INSR: variants seen among roughly 807,000 people sequenced by gnomAD.
The protein encoded by INSR is IR.
In INSR, 67 loss-of-function variants were observed where a neutral mutation model predicts 142.6. The ratio of observed to expected loss-of-function variants is 0.47; its 90% confidence interval spans 0.39 to 0.58. INSR has a LOEUF of 0.58. INSR is among the 20% of genes least tolerant of loss of function. The pLI, the probability that INSR is intolerant of heterozygous loss-of-function variation, is 0.00. For missense variants in INSR, 1,248 were observed against 1,833.2 expected, an observed-to-expected ratio of 0.68 and a Z score of 5.83; for synonymous variants, 756 against 743.1, an observed-to-expected ratio of 1.02 and a Z score of -0.28.
At chr19:7,143,207 G>C in intron 11 of INSR, 117 bp from the exon 12 acceptor site, 1 of 1,125,668 alleles carries the variant, frequency 8.9e-7, no homozygotes, top group Non-Finnish European at 1.3e-6. Context: ...GGAGGGTGCA[G>C]CAATGGGGAA....
chr19:7,204,619 A>T (rs559051288), intron 2 of INSR, among the ~76,000 whole-genome samples: 1 of 152,336 alleles, frequency 6.6e-6, no homozygotes, highest in African/African-American at 2.4e-5. Flanking sequence ...CCCACCTTGC[A>T]GCTGCTCTTT....
chr19:7,209,104 G>A (rs1197667374), intron 2 of INSR, among the ~76,000 whole-genome samples: 1 of 152,132 alleles, frequency 6.6e-6, no homozygotes, highest in Non-Finnish European at 1.5e-5. Flanking sequence ...AGGTTGCAGT[G>A]AGCCAAGATT....
At chr19:7,285,966 T>C (rs1226513268) in intron 1 of INSR, among the ~76,000 whole-genome samples, 6 of 152,160 alleles carry the variant, frequency 3.9e-5, no homozygotes, top group Admixed American at 1.3e-4. Flanking sequence ...TTTTACTGTA[T>C]GATAATGTTT....
At chr19:7,240,453 A>G (rs12609789) in intron 2 of INSR, among the ~76,000 whole-genome samples, 35,967 of 152,028 alleles carry the variant, frequency 0.24, 4,743 homozygotes, top group East Asian at 0.6. Context: ...GTGGTGGTGC[A>G]CACCTGTAAT....
At chr19:7,176,601 A>AAAAC (rs908684121) in intron 3 of INSR, among the ~76,000 whole-genome samples, 5 of 152,140 alleles carry the variant, frequency 3.3e-5, no homozygotes, top group Admixed American at 6.6e-5. Flanking sequence ...AATCTGTCTC[A>AAAAC]AAACAAACAA....
Position 7,122,897 on chromosome 19 carries a change from A to G in INSR, c.3351T>C (p.Ser1117=), listed in dbSNP as rs1312324026. The G allele has an allele frequency of 6.2e-7, 1 of 1,608,726 alleles. No individual in the cohort carries two copies. Among genetic ancestry groups the G allele is most frequent in the Admixed American group, 1.7e-5 (1 of 59,334 alleles). ...AHGDLKSYLR[S]LRPEAENNPG... ...AGCTTACCTCAGCCTCTGGCCGCAG[A>G]GAACGGAGGTAGCTCTTCAGGTCTC... The change falls in exon 18 of 22, where the codon TCT becomes TCC. Residue 1117 remains serine (S), a synonymous_variant. Coordinates refer to ENST00000302850, the MANE Select transcript of INSR (RefSeq NM_000208.4).
intron 1 of INSR, among the ~76,000 whole-genome samples, chr19:7,282,353 C>T (rs1243586324): frequency 4.2e-5 from 6 of 143,580 alleles, no homozygotes; most frequent in South Asian, 2.2e-4. Flanking sequence ...CAACAGAGTG[C>T]GACTCCATCT....
Position 7,205,367 on chromosome 19 carries a change from A to T in INSR, c.653-20730T>A, listed in dbSNP as rs1046711738. ...GTTAATTTCCTCAGAAGGTTATTCT[A>T]TAAAAGCCAAAGTGTTACTTTCTTG... On this transcript the variant is annotated intron_variant, in intron 2 of 21. Transcript: ENST00000302850. Among the ~76,000 whole-genome samples the T allele has an allele frequency of 6.6e-5, 10 of 152,348 alleles. No individual in the cohort carries two copies. The East Asian group carries it at 1.9e-3, about 29-fold the overall frequency.
At chr19:7,210,545 C>T (rs575754615) in intron 2 of INSR, among the ~76,000 whole-genome samples, 1 of 152,124 alleles carries the variant, frequency 6.6e-6, no homozygotes, top group South Asian at 2.1e-4. Context: ...GGAGGGGAAC[C>T]TAGTGTGCCT....
chr19:7,197,658 G>C (rs1366530573), intron 2 of INSR, among the ~76,000 whole-genome samples: 1 of 147,660 alleles, frequency 6.8e-6, no homozygotes, highest in Admixed American at 6.7e-5. Flanking sequence ...GAGTGTGTGT[G>C]TGTGTTTGGC....
At chr19:7,144,507 G>A (rs1365485304) in intron 11 of INSR, among the ~76,000 whole-genome samples, 1 of 152,118 alleles carries the variant, frequency 6.6e-6, no homozygotes, top group East Asian at 1.9e-4. Context: ...GAGTTCATGC[G>A]ATTCTCCTGC....
chr19:7,192,166 GAA>G lies in INSR; in HGVS notation c.653-7531_653-7530del, dbSNP rs1974614638. Among the ~76,000 whole-genome samples, 1 of 106,898 alleles carries G rather than the reference GAA, an allele frequency of 9.4e-6. No individual in the cohort carries two copies. Among genetic ancestry groups the G allele is most frequent in the East Asian group, 2.4e-4 (1 of 4,208 alleles). The allele number at this position is 106,898 out of a possible 152,430, so 70.1% of individuals were successfully genotyped here. On this transcript the variant is annotated intron_variant, in intron 2 of 21. Transcript: ENST00000302850. The surrounding 1 kb of genome is among the most constrained non-coding windows in gnomAD (Gnocchi z 4.2). ...AGAGAGAGAGAAAGAGAAAGAAAAA[GAA>G]AGACAGAGAAAGAAAAGAAAAAAGA...
At position 7,197,040 on chromosome 19, in the gene INSR, T is replaced by C. The variant is rs1160393390; in HGVS notation, c.653-12403A>G. Reference sequence around the variant, plus strand: ...CCAAATTCCTCTAGTTGGAATCTAGTAAATGATTTAATGGCAAAGGGGCAG... The same window carrying C: ...CCAAATTCCTCTAGTTGGAATCTAGCAAATGATTTAATGGCAAAGGGGCAG... On this transcript the variant is annotated intron_variant, in intron 2 of 21. Transcript: ENST00000302850. Among the ~76,000 whole-genome samples the C allele has an allele frequency of 2.0e-5, 3 of 152,192 alleles. No individual in the cohort carries two copies. The East Asian group carries it at 5.8e-4, about 29-fold the overall frequency.
In INSR at chr19:7,117,003, C is replaced by G. The variant is rs1406415360; in HGVS notation, c.*53G>C. On this transcript the variant is annotated 3_prime_UTR_variant, in exon 22 of 22. Transcript: ENST00000302850. ...CTGAGTTTTCCAGAGGCTTTCAAAC[C>G]AGAGGAAAGCGAAAATGGGAACCCC... is the stretch of plus-strand genomic sequence containing the variant. 57 of 1,394,560 alleles carry G rather than the reference C, an allele frequency of 4.1e-5. No individual in the cohort carries two copies. The highest frequency in any genetic ancestry group is 1.8e-4 in the Middle Eastern group (1 of 5,692). 86.4% of individuals were successfully genotyped at this position (1,394,560 alleles called of 1,614,324 possible).
intron 2 of INSR, among the ~76,000 whole-genome samples, chr19:7,229,760 C>CTTTTTTTT: frequency 1.1e-5 from 1 of 87,500 alleles, no homozygotes; most frequent in Non-Finnish European, 2.2e-5. Flanking sequence ...CATTTACAGT[C>CTTTTTTTT]TTTTTTTTTT....
rs1972434607 is a variant in INSR, at chr19:7,119,737, T to C, written c.3660-154A>G. Among the ~76,000 whole-genome samples the C allele has an allele frequency of 6.8e-6, 1 of 146,306 alleles. No homozygotes were observed. Among genetic ancestry groups the C allele is most frequent in the African/African-American group, 2.6e-5 (1 of 38,908 alleles). ...ACACACATGCAAACACACACGCACA[T>C]ACACGTGCACACACATGCAAATACA... On this transcript the variant is annotated intron_variant, in intron 20 of 21. Coordinates refer to ENST00000302850, the MANE Select transcript of INSR (RefSeq NM_000208.4). The surrounding 1 kb of genome is among the most constrained non-coding windows in gnomAD (Gnocchi z 5.2).
chr19:7,204,205 A>T (rs1189808223), intron 2 of INSR, among the ~76,000 whole-genome samples: 1 of 94,102 alleles, frequency 1.1e-5, no homozygotes, highest in Non-Finnish European at 2.2e-5. Context: ...ACCATGCCCA[A>T]CTAATTTTTT....
At chr19:7,163,891 A>G (rs1289622582) in intron 8 of INSR, among the ~76,000 whole-genome samples, 1 of 141,650 alleles carries the variant, frequency 7.1e-6, no homozygotes. Context: ...GTTCGAGACT[A>G]CACCTGGCCA....
chr19:7,226,401 TC>T (rs1975782777), intron 2 of INSR, among the ~76,000 whole-genome samples: 1 of 93,914 alleles, frequency 1.1e-5, no homozygotes, highest in South Asian at 4.6e-4. Context: ...AGAGTGAGAC[TC>T]CGTCTCAAGG....
Sources: gnomAD v4.1 joint callset for allele counts (sites outside exome capture counted in the v4.1 genomes callset) on GRCh38, gnomAD v4.1.1 for gene constraint, Gnocchi (gnomAD v3.1) non-coding constraint, MANE v1.5 for transcripts, NCBI Gene and HGNC (gene_info 2026-07-23, HGNC 2026-07-21) for gene names.